Variants in EHMT1 observed in about 807,000 individuals in gnomAD.
The protein encoded by EHMT1 is euchromatic histone lysine methyltransferase 1, also known as histone-lysine N-methyltransferase EHMT1.
In EHMT1, 15 loss-of-function variants were observed where a neutral mutation model predicts 147.2. The observed-to-expected ratio is 0.10, with a 90% confidence interval of 0.07 to 0.16. The LOEUF is 0.16. Among genes scored for constraint, EHMT1 ranks in the 10% least tolerant of loss-of-function variants. EHMT1 has a pLI of 1.00. For synonymous variants in EHMT1, 795 were observed against 709.6 expected, an observed-to-expected ratio of 1.12 and a Z score of -1.91; for missense variants, 1,587 against 1,772.4, an observed-to-expected ratio of 0.90 and a Z score of 1.88.
chr9:137,715,455 G>C (rs1945123551), intron 2 of EHMT1: 1 of 839,188 alleles, frequency 1.2e-6, no homozygotes, highest in Non-Finnish European at 1.4e-6. Flanking sequence ...ACGTCCTCGG[G>C]TGGAAGGACA....
chr9:137,620,626 C>T (rs1315626530), intron 1 of EHMT1, among the ~76,000 whole-genome samples: 1 of 152,104 alleles, frequency 6.6e-6, no homozygotes, highest in African/African-American at 2.4e-5. Flanking sequence ...CTTTTGGACT[C>T]CAGCGATCTG....
intron 10 of EHMT1, among the ~76,000 whole-genome samples, chr9:137,765,696 G>A (rs1373155417): frequency 2.7e-4 from 10 of 37,586 alleles, no homozygotes; most frequent in African/African-American, 9.2e-4. Flanking sequence ...GCCTGTCCCC[G>A]CTTGTGTTCT....
At chr9:137,810,935 A>T (rs1954426995) in intron 18 of EHMT1, among the ~76,000 whole-genome samples, 1 of 152,186 alleles carries the variant, frequency 6.6e-6, no homozygotes, top group African/African-American at 2.4e-5. Context: ...TCCTGACCTC[A>T]GGTGATCTAC....
chr9:137,725,780 C>T (rs1030531468), intron 3 of EHMT1, among the ~76,000 whole-genome samples: 11 of 152,066 alleles, frequency 7.2e-5, no homozygotes, highest in African/African-American at 1.9e-4. Context: ...AGGTGGAGAC[C>T]GTGAGGCCGT....
chr9:137,642,267 T>C lies in EHMT1; in HGVS notation c.21+23218T>C, dbSNP rs565963533. Among the ~76,000 whole-genome samples the C allele has an allele frequency of 1.4e-3, 219 of 152,316 alleles. 1 individual carries two copies. Among genetic ancestry groups the C allele is most frequent in the African/African-American group, 5.0e-3 (208 of 41,580 alleles). On this transcript the variant is annotated intron_variant, in intron 1 of 26. Coordinates refer to ENST00000460843, the MANE Select transcript of EHMT1 (RefSeq NM_024757.5). Reference sequence around the variant, plus strand: ...TTTTGTATTTGCTTTCTGCGTCTTCTGTCTTTTTTGTTACTTTCTGCCTCA... The same window carrying C: ...TTTTGTATTTGCTTTCTGCGTCTTCCGTCTTTTTTGTTACTTTCTGCCTCA...
At chr9:137,780,177 ACTGAGATGTGTGGTGATGACG>A (rs1345556666) in intron 14 of EHMT1, among the ~76,000 whole-genome samples, 20 of 106,546 alleles carry the variant, frequency 1.9e-4, no homozygotes, top group South Asian at 6.2e-4. Flanking sequence ...TGACGGCATC[ACTGAGATGTGTGGTGATGACG>A]CTGAGATGTG....
chr9:137,719,823 C>T (rs1588350419), intron 3 of EHMT1, among the ~76,000 whole-genome samples: 1 of 151,704 alleles, frequency 6.6e-6, no homozygotes, highest in East Asian at 1.9e-4. Context: ...AGATGCCGAA[C>T]CCCCTCCACA....
chr9:137,789,559 G>C (rs1014845429), intron 15 of EHMT1, among the ~76,000 whole-genome samples: 6 of 152,300 alleles, frequency 3.9e-5, no homozygotes, highest in South Asian at 2.1e-4. Flanking sequence ...CCTTGGCTTT[G>C]AGCTTTGGTG....
At chr9:137,681,592 C>A (rs1388936650) in intron 1 of EHMT1, among the ~76,000 whole-genome samples, 2 of 152,136 alleles carry the variant, frequency 1.3e-5, no homozygotes, top group Non-Finnish European at 2.9e-5. Context: ...GTCCAGGTGA[C>A]ATCTGTTTGC....
chr9:137,713,263 ATTTTTTTTTT>A (rs59459382), intron 2 of EHMT1, among the ~76,000 whole-genome samples: 7 of 102,356 alleles, frequency 6.8e-5, no homozygotes, highest in East Asian at 5.5e-4. Context: ...CACCATGCTA[ATTTTTTTTTT>A]TTTTTTTTTT....
intron 1 of EHMT1, among the ~76,000 whole-genome samples, chr9:137,692,409 C>T (rs531884501): frequency 1.9e-4 from 29 of 151,910 alleles, no homozygotes; most frequent in African/African-American, 6.3e-4. Context: ...GGATTGCAGG[C>T]GTGCACCACC....
At chr9:137,678,719 C>G (rs1002312841) in intron 1 of EHMT1, among the ~76,000 whole-genome samples, 2 of 137,636 alleles carry the variant, frequency 1.5e-5, no homozygotes, top group Non-Finnish European at 3.1e-5. Context: ...TCCCCCCCCC[C>G]GCTCCCCCCG....
chr9:137,805,997 C>T (rs979038001), intron 18 of EHMT1, among the ~76,000 whole-genome samples: 2 of 150,300 alleles, frequency 1.3e-5, no homozygotes, highest in African/African-American at 4.9e-5. Flanking sequence ...CAGTCTCACC[C>T]TGTCACCCAG....
intron 3 of EHMT1, among the ~76,000 whole-genome samples, chr9:137,725,035 C>T (rs998703443): frequency 1.2e-4 from 17 of 142,522 alleles, no homozygotes; most frequent in Admixed American, 5.6e-4. Flanking sequence ...GTGTGGCCTT[C>T]GTGGGGCATT....
At chr9:137,792,594 A>G (rs1952606499) in intron 16 of EHMT1, among the ~76,000 whole-genome samples, 1 of 152,166 alleles carries the variant, frequency 6.6e-6, no homozygotes, top group African/African-American at 2.4e-5. Flanking sequence ...AATCCCAGCT[A>G]CCTGGGAGGC....
rs767164261 is a variant in EHMT1, at chr9:137,815,953, C to A, written c.3265C>A (p.Arg1089=). The change falls in exon 23 of 27, where the codon CGG becomes AGG. Residue 1089 remains arginine (R), a synonymous_variant. Coordinates refer to ENST00000460843, the MANE Select transcript of EHMT1 (RefSeq NM_024757.5). ...GCTGCTCATCTGTCCACAGGATGGC[C>A]GGCTCCTGCCAGAGTTCAACATGGC... The part of the protein sequence containing the change: ...SMRCWYDKDG[R]LLPEFNMAEP... 6.2e-7 allele frequency: 1 copy of A among 1,604,154 alleles called. No homozygotes were observed. The highest frequency in any genetic ancestry group is 1.1e-5 in the South Asian group (1 of 89,068).
chr9:137,772,229 A>G (rs1950631927), intron 10 of EHMT1, among the ~76,000 whole-genome samples: 1 of 152,176 alleles, frequency 6.6e-6, no homozygotes, highest in African/African-American at 2.4e-5. Flanking sequence ...TCCAAGCACA[A>G]AAGGTTATAG....
intron 16 of EHMT1, among the ~76,000 whole-genome samples, chr9:137,795,491 C>T (rs1479247629): frequency 2.7e-5 from 4 of 150,892 alleles, no homozygotes; most frequent in African/African-American, 7.3e-5. Flanking sequence ...ACCAGGACAA[C>T]GTAGACACAC....
chr9:137,721,500 A>C (rs531991531), intron 3 of EHMT1, among the ~76,000 whole-genome samples: 778 of 13,958 alleles, frequency 0.056, 10 homozygotes, highest in Admixed American at 0.086. Context: ...TCACCTTCTC[A>C]CACGCCTCTC....
Sources: gnomAD v4.1 joint callset for allele counts (sites outside exome capture counted in the v4.1 genomes callset) on GRCh38, gnomAD v4.1.1 for gene constraint, MANE v1.5 for transcripts, NCBI Gene and HGNC (gene_info 2026-07-23, HGNC 2026-07-21) for gene names.